VWA3B: variants seen among roughly 807,000 people sequenced by gnomAD.
VWA3B encodes the protein von Willebrand factor A domain containing 3B.
A neutral mutation model predicts 158.3 loss-of-function variants in VWA3B; 138 were observed. That is an observed-to-expected ratio of 0.87 (90% CI 0.76 to 1.00). The LOEUF (loss-of-function observed/expected upper bound fraction) is 1.00, where lower values mean the gene tolerates loss of function less well. VWA3B is among the 50% of genes least tolerant of loss of function. The probability of loss-of-function intolerance (pLI) is 0.00; values close to 1 mark genes in which losing one functional copy is unlikely to be tolerated. For missense variants in VWA3B, 1,555 were observed against 1,565.1 expected (o/e 0.99, Z 0.11); for synonymous variants, 596 against 587.3 (o/e 1.01, Z -0.21).
At chr2:98,224,753 T>TA (rs35784294) in intron 14 of VWA3B, among the ~76,000 whole-genome samples, 126,416 of 146,358 alleles carry the variant, frequency 0.86, 54,593 homozygotes, top group East Asian at 0.96. Flanking sequence ...CAGTGTGAAT[T>TA]AAAAAAAAAA....
At chr2:98,102,660 G>A (rs76206971) in intron 2 of VWA3B, among the ~76,000 whole-genome samples, 4,132 of 152,240 alleles carry the variant, frequency 0.027, 208 homozygotes, top group African/African-American at 0.093. Context: ...ATCTAAGTTC[G>A]TAAGAGATAT....
intron 2 of VWA3B, among the ~76,000 whole-genome samples, chr2:98,105,405 A>G (rs1047475213): frequency 6.6e-6 from 1 of 152,206 alleles, no homozygotes; most frequent in Non-Finnish European, 1.5e-5. Context: ...CATGTATGCA[A>G]TGTGTTTGCA....
chr2:98,129,661 C>A (rs1435378238), intron 6 of VWA3B, among the ~76,000 whole-genome samples: 1 of 151,280 alleles, frequency 6.6e-6, no homozygotes, highest in Non-Finnish European at 1.5e-5. Flanking sequence ...ATAAAACCTG[C>A]ATTTAAAAAC....
chr2:98,315,596 C>T (rs1416471713), downstream of VWA3B, among the ~76,000 whole-genome samples: 1 of 152,220 alleles, frequency 6.6e-6, no homozygotes, highest in Non-Finnish European at 1.5e-5. Context: ...CATCTACATA[C>T]TTCTAAGCTC....
the VWA3B span, among the ~76,000 whole-genome samples, chr2:98,319,674 G>A: frequency 1.3e-5 from 2 of 152,178 alleles, no homozygotes; most frequent in Non-Finnish European, 2.9e-5. Flanking sequence ...GAGGCTAGGA[G>A]TTCAAGACCC....
intron 26 of VWA3B, among the ~76,000 whole-genome samples, chr2:98,310,425 T>C (rs1007360229): frequency 6.6e-6 from 1 of 152,188 alleles, no homozygotes; most frequent in Non-Finnish European, 1.5e-5. Flanking sequence ...GTTCTTTCCA[T>C]GCTTTTAATG....
intron 5 of VWA3B, among the ~76,000 whole-genome samples, chr2:98,122,558 G>A (rs1488541913): frequency 2.0e-5 from 3 of 152,326 alleles, no homozygotes; most frequent in Admixed American, 1.3e-4. Flanking sequence ...CTTTGAGTTT[G>A]TTTTAACATC....
intron 26 of VWA3B, among the ~76,000 whole-genome samples, chr2:98,309,736 CT>C (rs1690770684): frequency 6.6e-6 from 1 of 152,210 alleles, no homozygotes; most frequent in Non-Finnish European, 1.5e-5. Flanking sequence ...AGATGAATCA[CT>C]TCACTTAATC....
chr2:98,249,352 T>C (rs900817173), intron 19 of VWA3B, among the ~76,000 whole-genome samples: 2 of 152,096 alleles, frequency 1.3e-5, no homozygotes, highest in Non-Finnish European at 2.9e-5. Flanking sequence ...GTAGGTAATA[T>C]GCAAATAGGT....
intron 8 of VWA3B, among the ~76,000 whole-genome samples, chr2:98,168,435 C>T (rs1382556813): frequency 6.6e-6 from 1 of 151,156 alleles, no homozygotes; most frequent in Admixed American, 6.6e-5. Flanking sequence ...TAACTCTAAG[C>T]AGAAATTTTC....
intron 14 of VWA3B, among the ~76,000 whole-genome samples, chr2:98,219,229 A>G (rs1025383215): frequency 3.9e-5 from 6 of 152,228 alleles, no homozygotes; most frequent in African/African-American, 1.4e-4. Context: ...CAATGTTACT[A>G]TTAGAGCATT....
chr2:98,238,926 C>T (rs1222727474), intron 19 of VWA3B, among the ~76,000 whole-genome samples: 1 of 151,978 alleles, frequency 6.6e-6, no homozygotes, highest in South Asian at 2.1e-4. Context: ...AACTCATATA[C>T]AAAAATATTT....
intron 22 of VWA3B, among the ~76,000 whole-genome samples, chr2:98,271,341 A>G (rs17427314): frequency 0.039 from 5,908 of 152,300 alleles, 169 homozygotes; most frequent in Middle Eastern, 0.075. Flanking sequence ...AAAGCTCCCC[A>G]TAAGTGTTAG....
intron 22 of VWA3B, among the ~76,000 whole-genome samples, chr2:98,278,684 G>C (rs556428334): frequency 1.6e-4 from 25 of 152,244 alleles, no homozygotes; most frequent in African/African-American, 5.5e-4. Flanking sequence ...TCAGGCTGCT[G>C]CTTCTCTTTT....
chr2:98,258,911 A>G (rs1687317552), intron 21 of VWA3B, among the ~76,000 whole-genome samples: 1 of 151,740 alleles, frequency 6.6e-6, no homozygotes, highest in Non-Finnish European at 1.5e-5. Flanking sequence ...CTTGTTCCTG[A>G]TCCCAGTGAG....
At chr2:98,222,916 C>T (rs1684628065) in intron 14 of VWA3B, among the ~76,000 whole-genome samples, 1 of 152,006 alleles carries the variant, frequency 6.6e-6, no homozygotes, top group East Asian at 1.9e-4. Flanking sequence ...TAGGAAATAC[C>T]TAGGATCCAG....
intron 7 of VWA3B, among the ~76,000 whole-genome samples, chr2:98,135,631 G>A (rs902595605): frequency 2.0e-5 from 3 of 152,054 alleles, no homozygotes; most frequent in East Asian, 1.9e-4. Flanking sequence ...CACCGCGCCC[G>A]GCCAAAAACA....
Position 98,301,178 on chromosome 2 carries a change from T to C in VWA3B, c.3420+962T>C, listed in dbSNP as rs535918768. Among the ~76,000 whole-genome samples, 1,180 of 151,898 alleles carry C rather than the reference T, an allele frequency of 7.8e-3. 14 individuals are homozygous for C. Among genetic ancestry groups the C allele is most frequent in the African/African-American group, 0.027 (1,115 of 41,406 alleles). ...GGTAGTGGGCGCCTGTAGTCCCAGC[T>C]ACTCGGGAGGCTGAGGCAGGAGAAT... On this transcript the variant is annotated intron_variant, in intron 25 of 27. Transcript: ENST00000477737.
intron 7 of VWA3B, 155 bp downstream of exon 7, chr2:98,134,094 G>C: frequency 1.5e-6 from 1 of 656,682 alleles, no homozygotes; most frequent in Non-Finnish European, 2.6e-6. Flanking sequence ...GATATTAGTG[G>C]TGAGTTTGTC....
Sources: allele counts gnomAD v4.1 joint callset (sites outside exome capture counted in the v4.1 genomes callset), GRCh38; gene constraint gnomAD v4.1.1; transcripts MANE v1.5; gene names NCBI Gene and HGNC (gene_info 2026-07-23, HGNC 2026-07-21).